The following CDH12 variants were observed in gnomAD, a reference collection of about 807,000 sequenced individuals.
The protein encoded by CDH12 is cadherin 12.
Under a neutral mutation model 74.1 loss-of-function variants are expected in CDH12, and 41 were observed. That is an observed-to-expected ratio of 0.55 (90% CI 0.43 to 0.72). CDH12 has a LOEUF of 0.72. CDH12 is among the 30% of genes least tolerant of loss of function. The pLI, the probability that CDH12 is intolerant of heterozygous loss-of-function variation, is 0.00. For missense variants in CDH12, 945 were observed against 977.2 expected, an observed-to-expected ratio of 0.97 and a Z score of 0.44; for synonymous variants, 399 against 355.0, an observed-to-expected ratio of 1.12 and a Z score of -1.39.
intron 8 of CDH12, among the ~76,000 whole-genome samples, chr5:21,819,922 TTACATATTAGG>T (rs1431256722): frequency 2.0e-5 from 3 of 152,004 alleles, no homozygotes; most frequent in Non-Finnish European, 4.4e-5. Flanking sequence ...CCAGTTGAAG[TTACATATTAGG>T]TTTATGAGTT....
chr5:22,269,709 T>C (rs941920385), intron 3 of CDH12, among the ~76,000 whole-genome samples: 1 of 152,196 alleles, frequency 6.6e-6, no homozygotes, highest in African/African-American at 2.4e-5. Context: ...GAAATGACTT[T>C]CTGCTTACAG....
chr5:22,534,236 G>A (rs1737723573), intron 1 of CDH12, among the ~76,000 whole-genome samples: 1 of 151,836 alleles, frequency 6.6e-6, no homozygotes, highest in Non-Finnish European at 1.5e-5. Context: ...TTGGGAAACA[G>A]GTGGTGTTTG....
chr5:22,483,356 T>C (rs1480180023), intron 2 of CDH12, among the ~76,000 whole-genome samples: 3 of 152,062 alleles, frequency 2.0e-5, no homozygotes, highest in African/African-American at 7.2e-5. Flanking sequence ...TTTAAATAAC[T>C]ATTTATTGAA....
At chr5:22,073,798 C>A (rs902405997) in intron 5 of CDH12, among the ~76,000 whole-genome samples, 3 of 151,972 alleles carry the variant, frequency 2.0e-5, no homozygotes, top group Non-Finnish European at 2.9e-5. Flanking sequence ...CTAATGTCAC[C>A]CAAGTCACTC....
At chr5:21,968,105 T>A (rs1183711151) in intron 6 of CDH12, among the ~76,000 whole-genome samples, 1 of 152,166 alleles carries the variant, frequency 6.6e-6, no homozygotes, top group African/African-American at 2.4e-5. Flanking sequence ...TGAGCTCACA[T>A]GTCAGATGGA....
At chr5:22,793,164 G>A (rs959510408) in intron 1 of CDH12, among the ~76,000 whole-genome samples, 9 of 152,148 alleles carry the variant, frequency 5.9e-5, no homozygotes, top group Non-Finnish European at 1.3e-4. Flanking sequence ...CACTGCCAGG[G>A]AAAACCTGCA....
intron 5 of CDH12, among the ~76,000 whole-genome samples, chr5:22,048,128 G>A (rs1289981935): frequency 6.6e-6 from 1 of 152,156 alleles, no homozygotes; most frequent in African/African-American, 2.4e-5. Context: ...ATTGGGTACA[G>A]GAGTTAACCT....
chr5:22,705,273 G>C (rs1160117701), intron 1 of CDH12, among the ~76,000 whole-genome samples: 1 of 151,464 alleles, frequency 6.6e-6, no homozygotes, highest in East Asian at 1.9e-4. Flanking sequence ...ACATTTCCTT[G>C]CTCAGGACTA....
At chr5:22,469,186 A>T (rs1476940056) in intron 2 of CDH12, among the ~76,000 whole-genome samples, 1 of 152,186 alleles carries the variant, frequency 6.6e-6, no homozygotes, top group Non-Finnish European at 1.5e-5. Context: ...ACTCTCCACC[A>T]AGTGAAGAGC....
intron 1 of CDH12, among the ~76,000 whole-genome samples, chr5:22,841,437 T>G (rs554547084): frequency 4.0e-4 from 61 of 152,278 alleles, no homozygotes; most frequent in Non-Finnish European, 8.2e-4. Context: ...CGTGTGAATT[T>G]GGAATGTCTA....
intron 3 of CDH12, among the ~76,000 whole-genome samples, chr5:22,381,719 A>C (rs1741766485): frequency 6.6e-6 from 1 of 151,988 alleles, no homozygotes; most frequent in Non-Finnish European, 1.5e-5. Flanking sequence ...TAGGGAACTC[A>C]ACTTTCAGTG....
At chr5:22,258,285 C>G (rs922897400) in intron 3 of CDH12, among the ~76,000 whole-genome samples, 1 of 152,154 alleles carries the variant, frequency 6.6e-6, no homozygotes, top group Middle Eastern at 3.4e-3. Context: ...GTCTCAGGCC[C>G]GTGCCCATCC....
chr5:22,354,736 AAAG>A (rs1740491957), intron 3 of CDH12, among the ~76,000 whole-genome samples: 1 of 152,202 alleles, frequency 6.6e-6, no homozygotes, highest in Non-Finnish European at 1.5e-5. Flanking sequence ...TAAGAGGTAA[AAAG>A]AAAGAGGTGA....
intron 8 of CDH12, among the ~76,000 whole-genome samples, chr5:21,825,322 C>A (rs557021175): frequency 1.5e-4 from 23 of 152,204 alleles, no homozygotes; most frequent in African/African-American, 5.5e-4. Context: ...TCAGTATTAA[C>A]CTCTTGTTAT....
At chr5:21,938,563 GAATC>G (rs1755175748) in intron 6 of CDH12, among the ~76,000 whole-genome samples, 1 of 149,396 alleles carries the variant, frequency 6.7e-6, no homozygotes, top group Non-Finnish European at 1.5e-5. Context: ...AGAGAGACAA[GAATC>G]AAAGCCTCTT....
At chr5:21,815,838 A>T (rs1260173372) in intron 9 of CDH12, among the ~76,000 whole-genome samples, 1 of 152,160 alleles carries the variant, frequency 6.6e-6, no homozygotes, top group African/African-American at 2.4e-5. Context: ...ATCAAGACTG[A>T]TGGGGTTAGA....
intron 4 of CDH12, among the ~76,000 whole-genome samples, chr5:22,177,319 T>A (rs1306130856): frequency 6.6e-6 from 1 of 152,170 alleles, no homozygotes; most frequent in African/African-American, 2.4e-5. Context: ...ATCTTCTAAA[T>A]GAAATGAAAA....
intron 1 of CDH12, among the ~76,000 whole-genome samples, chr5:22,749,610 G>A (rs1745460085): frequency 6.6e-6 from 1 of 152,086 alleles, no homozygotes; most frequent in African/African-American, 2.4e-5. Context: ...AATACATGTA[G>A]TACCCCAGAG....
At chr5:22,736,558 G>A (rs777939085) in intron 1 of CDH12, among the ~76,000 whole-genome samples, 9 of 149,282 alleles carry the variant, frequency 6.0e-5, no homozygotes, top group South Asian at 4.2e-4. Context: ...TAGAGTCAGC[G>A]TTTTTTTTTA....
Sources: gnomAD v4.1 joint callset for allele counts (sites outside exome capture counted in the v4.1 genomes callset) on GRCh38, gnomAD v4.1.1 for gene constraint, MANE v1.5 for transcripts, NCBI Gene and HGNC (gene_info 2026-07-23, HGNC 2026-07-21) for gene names.